Variants in FER1L6 observed in about 807,000 individuals in gnomAD.
The protein encoded by FER1L6 is fer-1 like family member 6, also known as fer-1-like protein 6.
Under a neutral mutation model 219.2 loss-of-function variants are expected in FER1L6, and 177 were observed. That is an observed-to-expected ratio of 0.81 (90% CI 0.71 to 0.91). The LOEUF is 0.91. FER1L6 is among the 40% of genes least tolerant of loss of function. The pLI, the probability that FER1L6 is intolerant of heterozygous loss-of-function variation, is 0.00. For missense variants in FER1L6, 2,153 were observed against 2,259.9 expected, an observed-to-expected ratio of 0.95 and a Z score of 0.96; for synonymous variants, 768 against 824.3, an observed-to-expected ratio of 0.93 and a Z score of 1.17.
At chr8:124,051,294 C>G (rs1290624092) in intron 22 of FER1L6, among the ~76,000 whole-genome samples, 2 of 152,098 alleles carry the variant, frequency 1.3e-5, no homozygotes, top group African/African-American at 4.8e-5. Flanking sequence ...TAATAGCAGC[C>G]TAAGCAACCT....
chr8:124,091,043 A>G (rs1214335521), intron 33 of FER1L6, among the ~76,000 whole-genome samples: 1 of 152,220 alleles, frequency 6.6e-6, no homozygotes, highest in Non-Finnish European at 1.5e-5. Context: ...TTCTGGGTAC[A>G]GGGTTTTCTT....
chr8:124,106,944 C>CT (rs10561745), intron 39 of FER1L6, among the ~76,000 whole-genome samples: 2,219 of 127,448 alleles, frequency 0.017, 61 homozygotes, highest in African/African-American at 0.049. Context: ...ATAAGGTTTT[C>CT]TTTTTTTTTT....
intron 32 of FER1L6, among the ~76,000 whole-genome samples, chr8:124,081,654 T>C (rs1156794962): frequency 6.8e-6 from 1 of 148,044 alleles, no homozygotes; most frequent in Non-Finnish European, 1.5e-5. Context: ...AAGGGGCTCA[T>C]AGTCTTGTAG....
chr8:123,901,114 T>A (rs1291422110), intron 1 of FER1L6, among the ~76,000 whole-genome samples: 1 of 152,238 alleles, frequency 6.6e-6, no homozygotes, highest in Non-Finnish European at 1.5e-5. Flanking sequence ...ATAATTCTGC[T>A]GTGAATCCAT....
At chr8:123,874,994 A>G (rs137991340) in intron 1 of FER1L6, among the ~76,000 whole-genome samples, 23 of 152,256 alleles carry the variant, frequency 1.5e-4, no homozygotes, top group African/African-American at 4.8e-4. Context: ...CAAGAGATAG[A>G]GACCATCCTG....
chr8:124,068,627 A>T (rs993358491), intron 28 of FER1L6, among the ~76,000 whole-genome samples: 2 of 152,202 alleles, frequency 1.3e-5, no homozygotes, highest in African/African-American at 4.8e-5. Flanking sequence ...GATCTGACAG[A>T]GTGTGACTCC....
At chr8:123,977,334 T>A in intron 9 of FER1L6, 83 bp from the exon 10 acceptor site, 2 of 1,390,208 alleles carry the variant, frequency 1.4e-6, no homozygotes, top group East Asian at 4.6e-5. Flanking sequence ...GAAAACTCAC[T>A]TTATACTTCC....
At chr8:123,861,925 C>A (rs1263206719) in intron 1 of FER1L6, among the ~76,000 whole-genome samples, 423 of 72,726 alleles carry the variant, frequency 5.8e-3, no homozygotes, top group Middle Eastern at 0.029. Context: ...CGTCTGCAAA[C>A]AGGGACAATT....
chr8:123,939,963 A>G (rs1350011212), intron 1 of FER1L6, among the ~76,000 whole-genome samples: 1 of 152,194 alleles, frequency 6.6e-6, no homozygotes, highest in Non-Finnish European at 1.5e-5. Flanking sequence ...TAGGATTATT[A>G]TGGGGTGGCT....
chr8:124,116,560 C>T (rs1022594478), intron 39 of FER1L6, among the ~76,000 whole-genome samples: 1 of 151,928 alleles, frequency 6.6e-6, no homozygotes, highest in South Asian at 2.1e-4. Flanking sequence ...CATGAAACAC[C>T]ATGCAAGTTA....
In FER1L6 at chr8:123,966,288, G is replaced by C; in HGVS notation, c.382G>C (p.Glu128Gln). 1 of 1,614,062 alleles carries C rather than the reference G, an allele frequency of 6.2e-7. No homozygotes were observed. The highest frequency in any genetic ancestry group is 8.5e-7 in the Non-Finnish European group (1 of 1,179,950). Residue 128 changes from glutamate (E) to glutamine (Q), a missense_variant and splice_region_variant, in exon 5 of 41, where the codon GAA becomes CAA. Physicochemically the swap from Glu to Gln is conservative, Grantham distance 29. Transcript: ENST00000522917. ...KEGTNSPFYN[E>Q]YFVFDFIGPQ... Reference sequence around the variant, plus strand: ...AGGAACCAACAGCCCATTTTATAATGAAGTAAGTCATGGAGGTCACCCACA... The same window carrying C: ...AGGAACCAACAGCCCATTTTATAATCAAGTAAGTCATGGAGGTCACCCACA...
intron 21 of FER1L6, among the ~76,000 whole-genome samples, chr8:124,049,069 T>C (rs1263908413): frequency 6.6e-6 from 1 of 152,038 alleles, no homozygotes; most frequent in African/African-American, 2.4e-5. Flanking sequence ...TTTCTTTTTT[T>C]GAGACATCTC....
chr8:124,078,715 G>GA (rs879514772), intron 32 of FER1L6, among the ~76,000 whole-genome samples: 1 of 151,862 alleles, frequency 6.6e-6, no homozygotes, highest in African/African-American at 2.4e-5. Context: ...CAGGTGGGAT[G>GA]GGATGGGTGG....
chr8:123,863,288 C>T (rs1203504454), intron 1 of FER1L6, among the ~76,000 whole-genome samples: 2 of 39,674 alleles, frequency 5.0e-5, no homozygotes, highest in East Asian at 4.7e-4. Flanking sequence ...AGTTGAGCGG[C>T]TTTGAGTGAG....
intron 18 of FER1L6, among the ~76,000 whole-genome samples, chr8:124,032,333 G>A (rs1399096758): frequency 1.3e-5 from 2 of 152,148 alleles, no homozygotes; most frequent in African/African-American, 4.8e-5. Context: ...GCTGAGGCAT[G>A]AGAATTACTT....
At chr8:124,016,760 C>T (rs1818221402) in intron 15 of FER1L6, among the ~76,000 whole-genome samples, 2 of 152,186 alleles carry the variant, frequency 1.3e-5, no homozygotes, top group African/African-American at 4.8e-5. Flanking sequence ...TAACTAGTCC[C>T]TAATGACATT....
chr8:123,871,868 A>G (rs1163758602), intron 1 of FER1L6, among the ~76,000 whole-genome samples: 2 of 152,196 alleles, frequency 1.3e-5, no homozygotes, highest in East Asian at 3.9e-4. Flanking sequence ...TATCTTTGAT[A>G]TGATGTGATG....
intron 26 of FER1L6, among the ~76,000 whole-genome samples, chr8:124,066,203 C>G (rs1820823210): frequency 6.6e-6 from 1 of 152,194 alleles, no homozygotes; most frequent in South Asian, 2.1e-4. Flanking sequence ...AAACCAGTAT[C>G]TCACGTATGC....
rs181253487 is a variant in FER1L6 at position 124,003,390 on chromosome 8, T to C, written c.1700+43T>C. On this transcript the variant is annotated intron_variant, in intron 13 of 40. Coordinates refer to ENST00000522917, the MANE Select transcript of FER1L6 (RefSeq NM_001039112.2). ...GGAGAACAGTCAAGGATTTTGCTGG[T>C]GGAATTTTGTCCAGTTTCTAGGACT... 2.9e-3 allele frequency: 4,222 copies of C among 1,474,078 alleles called. 8 individuals carry two copies. Among genetic ancestry groups the C allele is most frequent in the Middle Eastern group, 4.7e-3 (19 of 4,022 alleles). The allele number at this position is 1,474,078 out of a possible 1,614,324, so 91.3% of individuals were successfully genotyped here.
Sources: gnomAD v4.1 joint callset for allele counts (sites outside exome capture counted in the v4.1 genomes callset) on GRCh38, gnomAD v4.1.1 for gene constraint, MANE v1.5 for transcripts, NCBI Gene and HGNC (gene_info 2026-07-23, HGNC 2026-07-21) for gene names.